IP6K3: variants seen among roughly 807,000 people sequenced by gnomAD.
IP6K3 encodes the protein ATP:1D-myo-inositol-hexakisphosphate phosphotransferase.
Under a neutral mutation model 28.8 loss-of-function variants are expected in IP6K3, and 20 were observed. That is an observed-to-expected ratio of 0.70 (90% CI 0.49 to 1.01). The LOEUF is 1.01. IP6K3 is among the 50% of genes least tolerant of loss of function. IP6K3 has a pLI of 0.00. For synonymous variants in IP6K3, 213 were observed against 221.3 expected, an observed-to-expected ratio of 0.96 and a Z score of 0.33; for missense variants, 480 against 537.1, an observed-to-expected ratio of 0.89 and a Z score of 1.05.
the IP6K3 span, among the ~76,000 whole-genome samples, chr6:33,759,690 C>T: frequency 2.0e-5 from 3 of 152,072 alleles, no homozygotes; most frequent in Non-Finnish European, 4.4e-5. Flanking sequence ...GGTGAAACCC[C>T]GTCTCTACTA....
chr6:33,725,427 C>A lies in IP6K3; in HGVS notation c.765+14G>T. ...CGGGATGTCCCCCCCTGTGGTGGGT[C>A]CCCTGCGACCTACCTGCATGCCGCA... On this transcript the variant is annotated intron_variant, in intron 5 of 5. Coordinates refer to ENST00000293756, the MANE Select transcript of IP6K3 (RefSeq NM_054111.5). 6.2e-7 allele frequency: 1 copy of A among 1,600,422 alleles called. No homozygotes were observed. Among genetic ancestry groups the A allele is most frequent in the East Asian group, 2.2e-5 (1 of 44,786 alleles).
intron 3 of IP6K3, among the ~76,000 whole-genome samples, chr6:33,727,159 G>T (rs1766150361): frequency 6.6e-6 from 1 of 152,212 alleles, no homozygotes; most frequent in Non-Finnish European, 1.5e-5. Context: ...CCCTTAGAGG[G>T]CTGAGGTGAT....
chr6:33,751,802 G>A (rs910674946), upstream of IP6K3, among the ~76,000 whole-genome samples: 3 of 152,172 alleles, frequency 2.0e-5, no homozygotes, highest in South Asian at 2.1e-4. The surrounding 1 kb of genome is among the most constrained non-coding windows in gnomAD (Gnocchi z 4.3). Flanking sequence ...GCAAAGACAC[G>A]TCTCCACCCA....
At chr6:33,748,668 G>GCCTC (rs1366427124), upstream of IP6K3, among the ~76,000 whole-genome samples, 1 of 61,538 alleles carries the variant, frequency 1.6e-5, no homozygotes, top group Non-Finnish European at 3.4e-5. Flanking sequence ...AAAAAAAAAA[G>GCCTC]CCTCCCGTGA....
chr6:33,725,709 C>T (rs1325675662), intron 4 of IP6K3, 93 bp from the exon 5 acceptor site: 3 of 1,171,206 alleles, frequency 2.6e-6, no homozygotes, highest in Non-Finnish European at 3.7e-6. Flanking sequence ...CCTGGAAATT[C>T]CCTATTCTGG....
chr6:33,728,195 G>A lies in IP6K3; in HGVS notation c.305C>T (p.Ala102Val), dbSNP rs893451433. 9.3e-6 allele frequency: 15 copies of A among 1,613,834 alleles called. No homozygotes were observed. The highest frequency in any genetic ancestry group is 6.7e-5 in the Admixed American group (4 of 60,010). ...GAGCGTCTGCCATATGGCCACCGCCGCCGACTCTGTGGAGACCTTGAAGGG... is the reference window on the plus strand; with the variant it reads ...GAGCGTCTGCCATATGGCCACCGCCACCGACTCTGTGGAGACCTTGAAGGG... ...QEPFKVSTESAAVAIWQTLQQ... is the reference protein window; with the variant it reads ...QEPFKVSTESVAVAIWQTLQQ... Residue 102 changes from alanine (A) to valine (V), a missense_variant, in exon 3 of 6, where the codon GCG becomes GTG. Physicochemically the swap from Ala to Val is moderately conservative, Grantham distance 64. Transcript: ENST00000293756.
At chr6:33,728,640 C>G (rs1368700117) in intron 2 of IP6K3, among the ~76,000 whole-genome samples, 1 of 152,224 alleles carries the variant, frequency 6.6e-6, no homozygotes, top group African/African-American at 2.4e-5. Context: ...TCACACCTCC[C>G]AGTCACACCA....
Position 33,735,511 on chromosome 6 carries a change from A to G in IP6K3, c.-35T>C. The stretch of plus-strand genomic sequence containing the variant: ...TGGTGGTGGTGGGGGGTCCCTGCAC[A>G]GTCTGCTAGAGGAAGGTTTGAAGTA... On this transcript the variant is annotated 5_prime_UTR_variant, in exon 2 of 6. Transcript: ENST00000293756. 1 of 1,596,770 alleles carries G rather than the reference A, an allele frequency of 6.3e-7. No homozygotes were observed. Among genetic ancestry groups the G allele is most frequent in the Non-Finnish European group, 8.5e-7 (1 of 1,176,458 alleles).
At chr6:33,740,070 T>C (rs1457384761) in intron 1 of IP6K3, among the ~76,000 whole-genome samples, 2 of 152,222 alleles carry the variant, frequency 1.3e-5, no homozygotes, top group Non-Finnish European at 2.9e-5. Flanking sequence ...CTGCCAAATA[T>C]CCTTGGCTCT....
intron 2 of IP6K3, among the ~76,000 whole-genome samples, chr6:33,732,887 C>G (rs1240203724): frequency 6.6e-6 from 1 of 152,240 alleles, no homozygotes; most frequent in Non-Finnish European, 1.5e-5. Flanking sequence ...AGCCACCTGT[C>G]CTCCTTCCCC....
chr6:33,749,822 T>A (rs533415961), upstream of IP6K3, among the ~76,000 whole-genome samples: 141 of 152,132 alleles, frequency 9.3e-4, no homozygotes, highest in Non-Finnish European at 1.4e-3. Flanking sequence ...TCCCCTCATT[T>A]CACAGTGGAG....
At chr6:33,723,862 G>A (rs928562361) in intron 5 of IP6K3, among the ~76,000 whole-genome samples, 16 of 152,222 alleles carry the variant, frequency 1.1e-4, no homozygotes, top group African/African-American at 3.9e-4. Context: ...CCCCTCCCCT[G>A]TTGTGTCTTG....
At chr6:33,736,948 A>G (rs986897876) in intron 1 of IP6K3, among the ~76,000 whole-genome samples, 11 of 152,210 alleles carry the variant, frequency 7.2e-5, no homozygotes, top group African/African-American at 2.2e-4. Context: ...AAATCTGATC[A>G]TTATTTCTAG....
In IP6K3 at chr6:33,735,527, G is replaced by A; in HGVS notation, c.-51C>T. On this transcript the variant is annotated 5_prime_UTR_variant, in exon 2 of 6. Coordinates refer to ENST00000293756, the MANE Select transcript of IP6K3 (RefSeq NM_054111.5). ...TCCCTGCACAGTCTGCTAGAGGAAG[G>A]TTTGAAGTAGAAAGGGCAGCTCCCA... 1 of 1,585,364 alleles carries A rather than the reference G, an allele frequency of 6.3e-7. No individual in the cohort carries two copies.
rs983959029 is a variant in IP6K3 at position 33,742,799 on chromosome 6, C to T, written c.-180+3959G>A. Among the ~76,000 whole-genome samples, 1 of 151,866 alleles carries T rather than the reference C, an allele frequency of 6.6e-6. No individual in the cohort carries two copies. Among genetic ancestry groups the T allele is most frequent in the African/African-American group, 2.4e-5 (1 of 41,310 alleles). ...GAAAAAACTGTGTTGACAAATGGGT[C>T]CTGGAGAAGAGGTTAGGAGAGGTAC... On this transcript the variant is annotated intron_variant, in intron 1 of 5. Transcript: ENST00000293756. This position sits in a 1 kb window ranked among gnomAD's most constrained non-coding sequence, Gnocchi z 4.5.
chr6:33,759,734 G>T, the IP6K3 span, among the ~76,000 whole-genome samples: 13 of 152,096 alleles, frequency 8.5e-5, no homozygotes, highest in African/African-American at 2.9e-4. Context: ...CTAGCTGGGC[G>T]TGGTGGCGGG....
At chr6:33,752,122 T>C in the IP6K3 span, among the ~76,000 whole-genome samples, 23 of 152,208 alleles carry the variant, frequency 1.5e-4, no homozygotes, top group Non-Finnish European at 3.1e-4. Flanking sequence ...CAGGTTCTTG[T>C]GGACTTTTAA....
At chr6:33,727,046 G>A (rs1766146394) in intron 3 of IP6K3, 140 bp from the exon 4 acceptor site, 13 of 832,012 alleles carry the variant, frequency 1.6e-5, no homozygotes, top group Non-Finnish European at 2.3e-5. Flanking sequence ...ACCAGGCTGG[G>A]GCACCCTCCC....
At chr6:33,752,335 T>C in the IP6K3 span, among the ~76,000 whole-genome samples, 1 of 152,192 alleles carries the variant, frequency 6.6e-6, no homozygotes, top group Non-Finnish European at 1.5e-5. Flanking sequence ...TGCTGCCTTC[T>C]CTAGGGTGGA....
Sources: gnomAD v4.1 joint callset for allele counts (sites outside exome capture counted in the v4.1 genomes callset) on GRCh38, gnomAD v4.1.1 for gene constraint, Gnocchi (gnomAD v3.1) non-coding constraint, MANE v1.5 for transcripts, NCBI Gene and HGNC (gene_info 2026-07-23, HGNC 2026-07-21) for gene names.